Variants in LINGO2 observed in about 807,000 individuals in gnomAD.
LINGO2 encodes the protein leucine-rich repeat and immunoglobulin-like domain-containing nogo receptor-interacting protein 2.
LINGO2 carries 14 observed loss-of-function variants against 30.6 expected under a neutral mutation model. That is an observed-to-expected ratio of 0.46 (90% confidence interval 0.30 to 0.72). The LOEUF (loss-of-function observed/expected upper bound fraction) is 0.72, where lower values mean the gene tolerates loss of function less well. LINGO2 is among the 30% of genes least tolerant of loss of function. The pLI, the probability that LINGO2 is intolerant of heterozygous loss-of-function variation, is 0.07. For synonymous variants in LINGO2, 317 were observed against 288.5 expected (o/e 1.10, Z -1.00); for missense variants, 729 against 751.7 (o/e 0.97, Z 0.35).
At chr9:29,175,511 G>A in the LINGO2 span, among the ~76,000 whole-genome samples, 3 of 146,644 alleles carry the variant, frequency 2.0e-5, no homozygotes, top group Non-Finnish European at 4.4e-5. Context: ...TCTTTAGATC[G>A]TATCTCCGAG....
At chr9:28,502,547 G>A (rs745495895) in intron 1 of LINGO2, among the ~76,000 whole-genome samples, 9 of 151,882 alleles carry the variant, frequency 5.9e-5, no homozygotes, top group Admixed American at 2.6e-4. Flanking sequence ...CATTTTAGCC[G>A]CACAATGAAC....
At chr9:28,341,933 T>G (rs1467785847) in intron 3 of LINGO2, among the ~76,000 whole-genome samples, 1 of 152,124 alleles carries the variant, frequency 6.6e-6, no homozygotes, top group Non-Finnish European at 1.5e-5. Flanking sequence ...ATTTACCACC[T>G]TCTTTTTATC....
intron 4 of LINGO2, among the ~76,000 whole-genome samples, chr9:28,100,679 T>G (rs2133310211): frequency 6.6e-6 from 1 of 152,264 alleles, no homozygotes; most frequent in East Asian, 1.9e-4. Context: ...TAAAGACCCC[T>G]GTGCAAATTG....
At chr9:29,125,583 T>C in the LINGO2 span, among the ~76,000 whole-genome samples, 1 of 152,128 alleles carries the variant, frequency 6.6e-6, no homozygotes. Flanking sequence ...TTCAATCTTA[T>C]TGGTTTTGAT....
chr9:28,891,084 G>A, the LINGO2 span, among the ~76,000 whole-genome samples: 4 of 151,986 alleles, frequency 2.6e-5, no homozygotes, highest in African/African-American at 9.7e-5. Flanking sequence ...GCATATCACA[G>A]ATGCAGATAT....
chr9:28,300,176 CTA>C (rs1824086318), intron 3 of LINGO2, among the ~76,000 whole-genome samples: 1 of 149,206 alleles, frequency 6.7e-6, no homozygotes, highest in Non-Finnish European at 1.5e-5. Flanking sequence ...TGTTGATAGA[CTA>C]TGACAAAACC....
chr9:28,923,391 T>C, the LINGO2 span, among the ~76,000 whole-genome samples: 7 of 152,316 alleles, frequency 4.6e-5, no homozygotes, highest in South Asian at 1.4e-3. Flanking sequence ...GCAGTATTTG[T>C]GTCTTGTTTA....
At chr9:28,581,246 T>G (rs1338292671) in intron 1 of LINGO2, among the ~76,000 whole-genome samples, 2 of 151,006 alleles carry the variant, frequency 1.3e-5, no homozygotes, top group East Asian at 3.9e-4. Flanking sequence ...TGTGCCTCTG[T>G]GTGTGTGTGT....
At chr9:28,355,907 C>T (rs1156955324) in intron 3 of LINGO2, among the ~76,000 whole-genome samples, 1 of 152,154 alleles carries the variant, frequency 6.6e-6, no homozygotes, top group Admixed American at 6.5e-5. Context: ...AAACCTTAAA[C>T]TGCCCCAGGT....
the LINGO2 span, among the ~76,000 whole-genome samples, chr9:29,187,780 ATTTTTTT>A: frequency 4.9e-4 from 58 of 118,830 alleles, no homozygotes; most frequent in Middle Eastern, 5.1e-3. Flanking sequence ...ATACATTTCA[ATTTTTTT>A]TTTTTTTTTT....
chr9:28,402,145 C>G (rs1441100163), intron 2 of LINGO2, among the ~76,000 whole-genome samples: 3 of 152,206 alleles, frequency 2.0e-5, no homozygotes. Context: ...TAATGTCATG[C>G]AGCCTGGGAT....
At chr9:29,125,518 A>G in the LINGO2 span, among the ~76,000 whole-genome samples, 1 of 152,174 alleles carries the variant, frequency 6.6e-6, no homozygotes, top group African/African-American at 2.4e-5. Flanking sequence ...TGATAAATCC[A>G]CAGTTAAGGT....
At chr9:28,196,274 A>G (rs1820005610) in intron 4 of LINGO2, among the ~76,000 whole-genome samples, 1 of 151,696 alleles carries the variant, frequency 6.6e-6, no homozygotes, top group Admixed American at 6.6e-5. Flanking sequence ...ACAAGAGAAG[A>G]AAAATTAAAA....
At chr9:28,415,153 C>A (rs756081657) in intron 2 of LINGO2, among the ~76,000 whole-genome samples, 15 of 152,060 alleles carry the variant, frequency 9.9e-5, no homozygotes, top group Non-Finnish European at 2.1e-4. Context: ...CTTCGACATG[C>A]ATTTAGAATA....
At chr9:29,047,785 C>G in the LINGO2 span, among the ~76,000 whole-genome samples, 1 of 152,234 alleles carries the variant, frequency 6.6e-6, no homozygotes, top group Admixed American at 6.5e-5. Flanking sequence ...TTGCAGGATA[C>G]AAAATCAACA....
chr9:28,723,759 AT>A, the LINGO2 span, among the ~76,000 whole-genome samples: 1 of 152,026 alleles, frequency 6.6e-6, no homozygotes, highest in African/African-American at 2.4e-5. Flanking sequence ...AGATGTTTGC[AT>A]TTTTTCATAG....
intron 4 of LINGO2, among the ~76,000 whole-genome samples, chr9:28,249,115 G>GA (rs1822106189): frequency 6.6e-6 from 1 of 151,412 alleles, no homozygotes; most frequent in Non-Finnish European, 1.5e-5. Flanking sequence ...CTTTTTTTTA[G>GA]AAAAAAATAA....
chr9:29,130,115 T>C, the LINGO2 span, among the ~76,000 whole-genome samples: 1 of 152,100 alleles, frequency 6.6e-6, no homozygotes, highest in African/African-American at 2.4e-5. Context: ...TAAAAGAAAT[T>C]CTGTGTGTGA....
chr9:28,273,630 T>C (rs1823018095), intron 4 of LINGO2, among the ~76,000 whole-genome samples: 1 of 152,192 alleles, frequency 6.6e-6, no homozygotes, highest in South Asian at 2.1e-4. Context: ...TTGTGTTTGC[T>C]TACTATTTCA....
Sources: gnomAD v4.1 joint callset for allele counts (sites outside exome capture counted in the v4.1 genomes callset) on GRCh38, gnomAD v4.1.1 for gene constraint, MANE v1.5 for transcripts, NCBI Gene and HGNC (gene_info 2026-07-23, HGNC 2026-07-21) for gene names.